Variants in CLIP4 observed in about 807,000 individuals in gnomAD.
CLIP4 encodes the protein CAP-Gly domain-containing linker protein 4.
Under a neutral mutation model 73.1 loss-of-function variants are expected in CLIP4, and 47 were observed. The observed-to-expected ratio is 0.64, with a 90% confidence interval of 0.51 to 0.82. The LOEUF is 0.82. CLIP4 is among the 40% of genes least tolerant of loss of function. CLIP4 has a pLI of 0.00. For missense variants in CLIP4, 874 were observed against 852.9 expected (o/e 1.02, Z -0.31); for synonymous variants, 306 against 295.4 (o/e 1.04, Z -0.37).
At chr2:29,159,802 A>G (rs1172383592) in intron 11 of CLIP4, among the ~76,000 whole-genome samples, 1 of 152,230 alleles carries the variant, frequency 6.6e-6, no homozygotes, top group Non-Finnish European at 1.5e-5. Flanking sequence ...AAATTGTCAA[A>G]CTATGGCCCA....
chr2:29,174,409 C>G lies in CLIP4; in HGVS notation c.1760C>G (p.Ser587Cys). 1 of 1,612,566 alleles carries G rather than the reference C, an allele frequency of 6.2e-7. No homozygotes were observed. Among genetic ancestry groups the G allele is most frequent in the Non-Finnish European group, 8.5e-7 (1 of 1,179,658 alleles). ...AGTTTTAGCACAACTTCTGCTTCTT[C>G]CCAAAAGGAGATTAACAGAAGAAAT... ...RRSFSTTSAS[S>C]QKEINRRNAF... is the part of the protein sequence containing the mutation. Residue 587 changes from serine to cysteine, a missense_variant, in exon 15 of 16, where the codon TCC (serine) becomes TGC (cysteine). Physicochemically the swap from Ser to Cys is moderately radical, Grantham distance 112 (BLOSUM62 -1). Transcript: ENST00000320081.
chr2:29,153,842 C>T lies in CLIP4; in HGVS notation c.1165+1014C>T, dbSNP rs1274327793. 2.6e-5 allele frequency among the ~76,000 whole-genome samples: 4 copies of T among 152,110 alleles called. No individual in the cohort carries two copies. In the East Asian group the frequency reaches 7.7e-4, roughly 29 times the overall value. ...AGTTTTTAAAAATAAATCTTGATGT[C>T]CAGTAGTGGAAAACCTCCTATCTCA... On this transcript the variant is annotated intron_variant, in intron 9 of 15. Transcript: ENST00000320081.
chr2:29,122,927 A>G (rs568491267), intron 2 of CLIP4, among the ~76,000 whole-genome samples: 14 of 151,886 alleles, frequency 9.2e-5, no homozygotes, highest in African/African-American at 3.1e-4. Flanking sequence ...TGTAGACATC[A>G]TATTTTCAGG....
chr2:29,141,876 C>G (rs1665793753), intron 6 of CLIP4, among the ~76,000 whole-genome samples: 1 of 152,050 alleles, frequency 6.6e-6, no homozygotes, highest in African/African-American at 2.4e-5. Flanking sequence ...GCTTTGTAGC[C>G]TTGATTGTGT....
chr2:29,181,810 C>T lies in CLIP4; in HGVS notation c.2035C>T (p.Pro679Ser). 1 of 1,614,132 alleles carries T rather than the reference C, an allele frequency of 6.2e-7. No homozygotes were observed. The highest frequency in any genetic ancestry group is 8.5e-7 in the Non-Finnish European group (1 of 1,179,996). ...VGDKRYFTCK[P>S]NHGVLVRPSR... ...TGACAAGCGCTATTTCACCTGTAAG[C>T]CGAACCATGGAGTCTTAGTTCGACC... The change falls in exon 16 of 16, where the codon CCG becomes TCG. Residue 679 changes from proline (P) to serine (S), a missense_variant. Physicochemically the swap from Pro to Ser is moderately conservative, Grantham distance 74. Transcript: ENST00000320081.
At chr2:29,103,576 G>A (rs1264066196) in intron 1 of CLIP4, among the ~76,000 whole-genome samples, 1 of 152,124 alleles carries the variant, frequency 6.6e-6, no homozygotes, top group Non-Finnish European at 1.5e-5. Context: ...AAATGAGGGA[G>A]CTGAGTTTTT....
At chr2:29,172,381 C>G (rs952807597) in intron 14 of CLIP4, among the ~76,000 whole-genome samples, 4 of 151,996 alleles carry the variant, frequency 2.6e-5, no homozygotes, top group Admixed American at 2.0e-4. Context: ...TTGTCTTTTC[C>G]AATGATAACT....
intron 2 of CLIP4, among the ~76,000 whole-genome samples, chr2:29,122,240 C>CTTTTTTTTTTTTTT (rs11359647): frequency 7.4e-6 from 1 of 135,274 alleles, no homozygotes; most frequent in Non-Finnish European, 1.6e-5. Flanking sequence ...CTCCAAGTTT[C>CTTTTTTTTTTTTTT]TTTTTTTTTT....
At chr2:29,135,828 A>G (rs966446245) in intron 6 of CLIP4, among the ~76,000 whole-genome samples, 162 bp downstream of exon 6, 3 of 152,162 alleles carry the variant, frequency 2.0e-5, no homozygotes, top group Non-Finnish European at 4.4e-5. Flanking sequence ...CTTTATTGTA[A>G]ATAAATTTAA....
chr2:29,127,361 C>T (rs1261467927), intron 2 of CLIP4, among the ~76,000 whole-genome samples: 1 of 151,828 alleles, frequency 6.6e-6, no homozygotes. Flanking sequence ...TTTATATTGC[C>T]ATGAAAATAA....
chr2:29,113,482 A>G (rs1298671470), upstream of CLIP4, among the ~76,000 whole-genome samples: 1 of 152,218 alleles, frequency 6.6e-6, no homozygotes, highest in Non-Finnish European at 1.5e-5. The surrounding 1 kb of genome is among the most constrained non-coding windows in gnomAD (Gnocchi z 4.0). Context: ...TCTAGGAAGC[A>G]TGACTCCAAC....
intron 12 of CLIP4, 34 bp from the exon 13 acceptor site, chr2:29,163,797 C>G (rs1558571371): frequency 3.1e-6 from 5 of 1,597,584 alleles, no homozygotes; most frequent in Non-Finnish European, 3.4e-6. Context: ...GGATAAAGTA[C>G]AGATGCTTTT....
chr2:29,117,250 CT>C (rs1663919334), intron 1 of CLIP4, among the ~76,000 whole-genome samples: 1 of 152,164 alleles, frequency 6.6e-6, no homozygotes, highest in Admixed American at 6.5e-5. Flanking sequence ...CCACATATAG[CT>C]TTTGACCACT....
intron 6 of CLIP4, among the ~76,000 whole-genome samples, chr2:29,142,249 G>C (rs1450240056): frequency 1.3e-5 from 2 of 151,808 alleles, no homozygotes; most frequent in Non-Finnish European, 1.5e-5. Flanking sequence ...TCATGAATAA[G>C]CCTTCTTGTC....
intron 8 of CLIP4, among the ~76,000 whole-genome samples, chr2:29,148,300 A>G (rs1368556940): frequency 6.6e-6 from 1 of 152,194 alleles, no homozygotes; most frequent in African/African-American, 2.4e-5. Flanking sequence ...TTCCAAATCT[A>G]TCATCTTTTC....
chr2:29,177,390 A>G (rs1262726143), intron 15 of CLIP4, among the ~76,000 whole-genome samples: 1 of 143,060 alleles, frequency 7.0e-6, no homozygotes, highest in Non-Finnish European at 1.5e-5. Flanking sequence ...TCCTGGCAAC[A>G]GAGTAAGACT....
In CLIP4 at chr2:29,121,517, CTG is replaced by C. The variant is rs779761693; in HGVS notation, c.132_133del (p.Cys44Ter). ...SISAAPMPSD[C>X]EFSFFDPNDA... is the part of the protein sequence containing the mutation. ...TTTCTGCAGCACCAATGCCTTCAGACTGTGGTATGTGAAGTAGCTGTGCTTAT... is the reference window on the plus strand; with the variant it reads ...TTTCTGCAGCACCAATGCCTTCAGACTGGTATGTGAAGTAGCTGTGCTTAT... On this transcript the variant is annotated frameshift_variant and splice_region_variant, in exon 2 of 16. Transcript: ENST00000320081. LOFTEE classifies it high-confidence loss of function. The C allele has an allele frequency of 6.2e-7, 1 of 1,613,302 alleles. No homozygotes were observed. The highest frequency in any genetic ancestry group is 1.1e-5 in the South Asian group (1 of 90,930).
At chr2:29,114,288 T>G (rs1187689149), upstream of CLIP4, 1 of 152,214 alleles carries the variant, frequency 6.6e-6, no homozygotes, top group Non-Finnish European at 1.5e-5. Flanking sequence ...CTGGAATGCA[T>G]CCAAGAGAAT....
intron 6 of CLIP4, 73 bp downstream of exon 6, chr2:29,135,739 CTG>C (rs1665306453): frequency 3.7e-6 from 4 of 1,067,338 alleles, no homozygotes; most frequent in Non-Finnish European, 5.5e-6. Context: ...AATGTTGAAT[CTG>C]AATGTTATTA....
Sources: allele counts gnomAD v4.1 joint callset (sites outside exome capture counted in the v4.1 genomes callset), GRCh38; gene constraint gnomAD v4.1.1; non-coding constraint Gnocchi (gnomAD v3.1); transcripts MANE v1.5; gene names NCBI Gene and HGNC (gene_info 2026-07-23, HGNC 2026-07-21).